Variants in ATAD3B observed in about 807,000 individuals in gnomAD.
The protein encoded by ATAD3B is ATPase family AAA domain-containing protein 3B.
Under a neutral mutation model 70.2 loss-of-function variants are expected in ATAD3B, and 59 were observed. The ratio of observed to expected loss-of-function variants is 0.84; its 90% CI spans 0.68 to 1.04. The LOEUF is 1.04. Ranked by LOEUF, ATAD3B falls within the 50% of genes least tolerant of loss-of-function variation. The pLI, the probability that ATAD3B is intolerant of heterozygous loss-of-function variation, is 0.00. For missense variants in ATAD3B, 961 were observed against 913.4 expected (o/e 1.05, Z -0.67); for synonymous variants, 423 against 388.6 (o/e 1.09, Z -1.04).
downstream of ATAD3B, among the ~76,000 whole-genome samples, chr1:1,500,681 C>T (rs191108702): frequency 9.7e-3 from 1,474 of 151,652 alleles, 26 homozygotes; most frequent in African/African-American, 0.033. Context: ...AGGCAGGGCG[C>T]AGTGGCTCAT....
rs1253867014 is a variant in ATAD3B at position 1,486,182 on chromosome 1, A to G, written c.1036A>G (p.Arg346Gly). Residue 346 changes from arginine to glycine, a missense_variant, in exon 10 of 16, where the codon AGG (arginine) becomes GGG (glycine). By Grantham distance (125) the Arg-to-Gly change is moderately radical. Coordinates refer to ENST00000673477, the MANE Select transcript of ATAD3B (RefSeq NM_031921.6). ...CACCAAGAAGAACCGGGGCCTGTAC[A>G]GGCACATCCTGCTGTATGGGCCACC... is the stretch of plus-strand genomic sequence containing the variant. ...RNTKKNRGLY[R>G]HILLYGPPGT... The G allele has an allele frequency of 6.8e-6, 11 of 1,613,264 alleles. No homozygotes were observed. Among genetic ancestry groups the G allele is most frequent in the African/African-American group, 1.3e-5 (1 of 74,998 alleles).
chr1:1,494,989 G>A (rs1304014711), intron 15 of ATAD3B, among the ~76,000 whole-genome samples: 1 of 152,108 alleles, frequency 6.6e-6, no homozygotes, highest in Non-Finnish European at 1.5e-5. Flanking sequence ...CAGCCTCCGT[G>A]TGCTCAATGC....
Position 1,495,486 on chromosome 1 carries a change from C to A in ATAD3B, c.1616C>A (p.Ala539Asp). ...CTCAGCTCCCTCTCTCTTCACTAGG[C>A]CACGGCATATGCCTCCAAGGACGGG... ...EIAQLAVSWQ[A>D]TAYASKDGVL... The change falls in exon 16 of 16, where the codon GCC (alanine) becomes GAC (aspartate). Residue 539 changes from alanine (A) to aspartate (D), a missense_variant and splice_region_variant. Physicochemically the swap from Ala to Asp is moderately radical, Grantham distance 126. This residue lies in a region of ATAD3B where 417 missense variants were observed against 335.0 expected (regional missense o/e 1.24). Coordinates refer to ENST00000673477, the MANE Select transcript of ATAD3B (RefSeq NM_031921.6). 1 of 1,601,258 alleles carries A rather than the reference C, an allele frequency of 6.2e-7. No homozygotes were observed.
intron 11 of ATAD3B, among the ~76,000 whole-genome samples, chr1:1,487,209 C>T (rs541548667): frequency 9.3e-5 from 14 of 150,694 alleles, no homozygotes; most frequent in Non-Finnish European, 1.8e-4. Context: ...CCTGTCCCTG[C>T]GCCAGGCGTG....
chr1:1,487,134 G>A (rs887949003), intron 11 of ATAD3B, among the ~76,000 whole-genome samples: 2 of 152,112 alleles, frequency 1.3e-5, no homozygotes, highest in African/African-American at 4.8e-5. Context: ...GGCTGTCCTC[G>A]TTGGAACCAC....
At chr1:1,504,747 G>T in the ATAD3B span, among the ~76,000 whole-genome samples, 5 of 152,288 alleles carry the variant, frequency 3.3e-5, no homozygotes, top group African/African-American at 1.2e-4. Context: ...AAGACTACAG[G>T]CCCAAGGTCA....
intron 2 of ATAD3B, 74 bp downstream of exon 2, chr1:1,477,424 A>C: frequency 6.2e-7 from 1 of 1,603,404 alleles, no homozygotes; most frequent in Middle Eastern, 2.2e-4. Flanking sequence ...TGGGGCTGCT[A>C]CTGGTGGGTA....
Position 1,481,072 on chromosome 1 carries a change from G to C in ATAD3B, c.514+136G>C, listed in dbSNP as rs899875006. On this transcript the variant is annotated intron_variant, in intron 5 of 15. Coordinates refer to ENST00000673477, the MANE Select transcript of ATAD3B (RefSeq NM_031921.6). ...AGTGGGCGAGGCCTGCTGGGGCTCT[G>C]CGGGGTGGGGCTCCCTCTCGGAAGA... 42 of 1,470,572 alleles carry C rather than the reference G, an allele frequency of 2.9e-5. 5 individuals carry two copies. The African/African-American group carries it at 6.4e-4, about 22-fold the overall frequency. 91.1% of individuals were successfully genotyped at this position (1,470,572 alleles called of 1,614,324 possible).
At chr1:1,506,750 T>G in the ATAD3B span, among the ~76,000 whole-genome samples, 10 of 151,952 alleles carry the variant, frequency 6.6e-5, no homozygotes, top group African/African-American at 2.2e-4. Flanking sequence ...GTCACGGGGT[T>G]GTTTTTTCCA....
intron 14 of ATAD3B, 57 bp from the exon 15 acceptor site, chr1:1,490,506 A>T (rs1640482542): frequency 6.2e-7 from 1 of 1,610,856 alleles, no homozygotes; most frequent in East Asian, 2.2e-5. Flanking sequence ...TCCGGCCTCC[A>T]CCTCATGGTG....
intron 5 of ATAD3B, among the ~76,000 whole-genome samples, chr1:1,481,740 G>T: frequency 6.6e-6 from 1 of 150,856 alleles, no homozygotes; most frequent in Non-Finnish European, 1.5e-5. Flanking sequence ...AGCTCGTCCT[G>T]AGAAGTTGCC....
the ATAD3B span, among the ~76,000 whole-genome samples, chr1:1,504,418 G>A: frequency 6.6e-6 from 1 of 151,972 alleles, no homozygotes; most frequent in African/African-American, 2.4e-5. Flanking sequence ...GGGAGGCCGA[G>A]GTGGGCGAAT....
At chr1:1,498,536 G>A (rs1199129972), downstream of ATAD3B, among the ~76,000 whole-genome samples, 2 of 151,802 alleles carry the variant, frequency 1.3e-5, no homozygotes, top group Non-Finnish European at 2.9e-5. Context: ...GGGGTCGGTG[G>A]GTGGGGGTAC....
chr1:1,490,807 C>T (rs1640505246), intron 15 of ATAD3B, 136 bp downstream of exon 15: 3 of 1,471,058 alleles, frequency 2.0e-6, no homozygotes, highest in Non-Finnish European at 2.7e-6. Flanking sequence ...AGACGTGACA[C>T]AGGGCCCCCT....
intron 2 of ATAD3B, among the ~76,000 whole-genome samples, chr1:1,477,712 A>T (rs181523116): frequency 1.1e-3 from 165 of 148,660 alleles, no homozygotes; most frequent in Admixed American, 2.6e-3. Flanking sequence ...ATTTTATTTT[A>T]TTTTATTTAT....
chr1:1,491,477 G>A (rs1640537688), intron 15 of ATAD3B, among the ~76,000 whole-genome samples: 1 of 152,066 alleles, frequency 6.6e-6, no homozygotes, highest in Non-Finnish European at 1.5e-5. Flanking sequence ...GTTGCAATGA[G>A]CCAAGATCGC....
intron 1 of ATAD3B, among the ~76,000 whole-genome samples, chr1:1,473,892 G>C (rs925872463): frequency 6.6e-5 from 10 of 152,070 alleles, no homozygotes; most frequent in Non-Finnish European, 1.2e-4. Context: ...TGGCCTGGTG[G>C]TACTTGTGGT....
Position 1,471,915 on chromosome 1 carries a change from C to T in ATAD3B, c.31C>T (p.Pro11Ser), listed in dbSNP as rs915874613. The T allele has an allele frequency of 2.4e-6, 3 of 1,268,576 alleles. No homozygotes were observed. Among genetic ancestry groups the T allele is most frequent in the Non-Finnish European group, 3.0e-6 (3 of 1,002,898 alleles). The allele number at this position is 1,268,576 out of a possible 1,614,324, so 78.6% of individuals were successfully genotyped here. A position where few individuals can be genotyped will look rare whatever the true frequency, so the allele number is the denominator to read the frequency against. Residue 11 changes from proline to serine, a missense_variant, in exon 1 of 16, where the codon CCC becomes TCC. Transcript: ENST00000673477. ...GTGGCTCTTCGGCGTTAACAAGGGC[C>T]CCAAGGGTGAAGGCGCGGGGCCGCC... is the stretch of plus-strand genomic sequence containing the variant. MSWLFGVNKG[P>S]KGEGAGPPPP... is the part of the protein sequence containing the mutation.
chr1:1,486,086 C>A (rs369849333), intron 9 of ATAD3B, 24 bp from the exon 10 acceptor site: 6 of 1,612,694 alleles, frequency 3.7e-6, no homozygotes, highest in Non-Finnish European at 5.1e-6. Flanking sequence ...AGTGTCTCCC[C>A]CAAACCCCCG....
Sources: allele counts gnomAD v4.1 joint callset (sites outside exome capture counted in the v4.1 genomes callset), GRCh38; gene constraint gnomAD v4.1.1; regional missense constraint gnomAD v4.1.1; transcripts MANE v1.5; gene names NCBI Gene and HGNC (gene_info 2026-07-23, HGNC 2026-07-21).